Variants in ACACB observed in about 807,000 individuals in gnomAD.
ACACB encodes the protein acetyl-CoA carboxylase 2.
A neutral mutation model predicts 278.8 loss-of-function variants in ACACB; 209 were observed. That is an observed-to-expected ratio of 0.75 (90% CI 0.67 to 0.84). The LOEUF (loss-of-function observed/expected upper bound fraction) is 0.84, where lower values mean the gene tolerates loss of function less well. Among genes scored for constraint, ACACB ranks in the 40% least tolerant of loss-of-function variants. ACACB has a pLI of 0.00. For synonymous variants in ACACB, 1,174 were observed against 1,285.6 expected (o/e 0.91, Z 1.86); for missense variants, 2,850 against 3,269.0 (o/e 0.87, Z 3.13).
chr12:109,253,306 TCTTC>T, intron 43 of ACACB, 148 bp downstream of exon 43: 1 of 857,350 alleles, frequency 1.2e-6, no homozygotes, highest in Non-Finnish European at 1.7e-6. Flanking sequence ...TCTTACTCCT[TCTTC>T]CTTCTCTGAT....
rs1342299999 is a variant in ACACB, at chr12:109,179,902, T to C, written c.1648-15T>C. 9 of 1,594,768 alleles carry C rather than the reference T, an allele frequency of 5.6e-6. No homozygotes were observed. Among genetic ancestry groups the C allele is most frequent in the South Asian group, 3.3e-5 (3 of 90,620 alleles). The stretch of plus-strand genomic sequence containing the variant: ...ACCTCTGGAACCCCCTTGGCCTCTT[T>C]CTGTTTCTTCACAGTGTGCCATCCG... On this transcript the variant is annotated splice_polypyrimidine_tract_variant and intron_variant, in intron 10 of 52. Coordinates refer to ENST00000338432, the MANE Select transcript of ACACB (RefSeq NM_001093.4).
Position 109,140,025 on chromosome 12 carries a change from C to T in ACACB, c.620C>T (p.Thr207Ile). 1 of 1,605,718 alleles carries T rather than the reference C, an allele frequency of 6.2e-7. No homozygotes were observed. Among genetic ancestry groups the T allele is most frequent in the Non-Finnish European group, 8.5e-7 (1 of 1,178,528 alleles). Reference protein sequence around the residue: ...GALSLEAYLTTGEAETRVPTM... With the variant: ...GALSLEAYLTIGEAETRVPTM... ...CTGTCCCTGGAGGCTTATCTGACCA[C>T]AGGTGAAGCTGAGACCCGCGTCCCC... The change falls in exon 2 of 53, where the codon ACA (threonine) becomes ATA (isoleucine). Residue 207 changes from threonine (T) to isoleucine (I), a missense_variant. By Grantham distance (89) the Thr-to-Ile change is moderately conservative. Transcript: ENST00000338432.
chr12:109,258,684 G>A (rs1307623640), intron 46 of ACACB, among the ~76,000 whole-genome samples: 1 of 152,198 alleles, frequency 6.6e-6, no homozygotes, highest in Admixed American at 6.5e-5. Flanking sequence ...AGTCAAGAGG[G>A]CTGGGTTCCA....
chr12:109,233,895 G>GC (rs746746137), intron 30 of ACACB, 43 bp from the exon 31 acceptor site: 3 of 1,613,012 alleles, frequency 1.9e-6, no homozygotes, highest in Non-Finnish European at 2.5e-6. Context: ...GTGGGCCGTG[G>GC]CCCCCAGGCT....
At chr12:109,196,296 T>C (rs992911821) in intron 16 of ACACB, among the ~76,000 whole-genome samples, 3 of 152,122 alleles carry the variant, frequency 2.0e-5, no homozygotes, top group Admixed American at 6.6e-5. Context: ...CTTAGTCCAT[T>C]TGGGCTACTG....
At chr12:109,216,509 C>T in intron 22 of ACACB, 109 bp from the exon 23 acceptor site, 1 of 1,150,452 alleles carries the variant, frequency 8.7e-7, no homozygotes, top group Non-Finnish European at 1.2e-6. Context: ...CATGAGCCAC[C>T]ATGCCCAGCC....
In ACACB at chr12:109,202,167, CA is replaced by C. The variant is rs546154198; in HGVS notation, c.2913+467del. On this transcript the variant is annotated intron_variant, in intron 19 of 52. Transcript: ENST00000338432. ...AATGAGGGCATTCTTGACCATTGACCACCTTTTCTTTTTAATAGACTTAATT... is the reference window on the plus strand; with the variant it reads ...AATGAGGGCATTCTTGACCATTGACCCCTTTTCTTTTTAATAGACTTAATT... 1.1e-3 allele frequency among the ~76,000 whole-genome samples: 172 copies of C among 152,140 alleles called. 1 individual carries two copies. The highest frequency in any genetic ancestry group is 3.8e-3 in the African/African-American group (158 of 41,494).
rs930735736 is a variant in ACACB, at chr12:109,223,718, C to T, written c.3793-97C>T. On this transcript the variant is annotated intron_variant, in intron 26 of 52. Transcript: ENST00000338432. ...TTGAGGCTGCGGTGAGCTATGATCA[C>T]ACCACTGCACTCCAGTTTATCTCAA... 8.8e-6 allele frequency: 10 copies of T among 1,140,740 alleles called. No homozygotes were observed. In the African/African-American group the frequency reaches 1.1e-4, roughly 12 times the overall value. The allele number at this position is 1,140,740 out of a possible 1,614,324, so 70.7% of individuals were successfully genotyped here. A position where few individuals can be genotyped will look rare whatever the true frequency, so the allele number is the denominator to read the frequency against.
intron 1 of ACACB, among the ~76,000 whole-genome samples, chr12:109,132,129 C>T (rs73195487): frequency 0.016 from 2,358 of 151,838 alleles, 23 homozygotes; most frequent in Non-Finnish European, 0.02. Flanking sequence ...AAATGGAAGT[C>T]AAATAGTGAC....
intron 2 of ACACB, among the ~76,000 whole-genome samples, chr12:109,144,617 TA>T (rs1236828740): frequency 6.6e-6 from 1 of 152,124 alleles, no homozygotes; most frequent in Non-Finnish European, 1.5e-5. Flanking sequence ...CCTCATTCTG[TA>T]AAATAGAATG....
chr12:109,185,531 G>A (rs7978168), intron 11 of ACACB, 48 bp from the exon 12 acceptor site: 109,748 of 1,605,656 alleles, frequency 0.068, 4,080 homozygotes, highest in Non-Finnish European at 0.075. Context: ...TTTTGGGGCC[G>A]TGTTCTGGTA....
At chr12:109,265,654 C>G in intron 52 of ACACB, 129 bp downstream of exon 52, 1 of 1,146,950 alleles carries the variant, frequency 8.7e-7, no homozygotes, top group Non-Finnish European at 1.2e-6. Context: ...TGTCCCCGCC[C>G]CCTCCCCGCT....
At position 109,237,384 on chromosome 12, in the gene ACACB, A is replaced by G. The variant is rs536207976; in HGVS notation, c.4662+4A>G. 6.2e-7 allele frequency: 1 copy of G among 1,611,860 alleles called. No individual in the cohort carries two copies. The highest frequency in any genetic ancestry group is 1.1e-5 in the South Asian group (1 of 90,762). ...GCACTCTGACCTGATCACAAAGGTAAGATGTCGCAGAGCATTTCTTCCTCT... is the reference window on the plus strand; with the variant it reads ...GCACTCTGACCTGATCACAAAGGTAGGATGTCGCAGAGCATTTCTTCCTCT... On this transcript the variant is annotated splice_donor_region_variant and intron_variant, in intron 34 of 52. Transcript: ENST00000338432.
intron 18 of ACACB, among the ~76,000 whole-genome samples, chr12:109,201,119 T>G (rs772432478): frequency 2.0e-5 from 3 of 152,254 alleles, no homozygotes; most frequent in Non-Finnish European, 2.9e-5. Context: ...TTAAAAGGGC[T>G]GATGAGCAGA....
Position 109,209,202 on chromosome 12 carries a change from G to A in ACACB, c.3098G>A (p.Arg1033Gln), listed in dbSNP as rs761995492. 6 of 1,607,800 alleles carry A rather than the reference G, an allele frequency of 3.7e-6. No homozygotes were observed. Among genetic ancestry groups the A allele is most frequent in the East Asian group, 2.2e-5 (1 of 44,742 alleles). ...EWVQKLMMTL[R>Q]HPSLPLLELQ... ...GTGCAGAAGCTCATGATGACCCTCC[G>A]GCACCCGTCACTGCCGCTGCTGGAG... Residue 1033 changes from arginine (R) to glutamine (Q), a missense_variant, in exon 21 of 53, where the codon CGG (arginine) becomes CAG (glutamine). Around this residue, in one of 3 missense-constraint regions of ACACB, gnomAD observed 2,265 missense variants for 2,561.3 expected, o/e 0.88. Transcript: ENST00000338432.
intron 28 of ACACB, among the ~76,000 whole-genome samples, chr12:109,232,396 C>T (rs949150079): frequency 1.3e-5 from 2 of 152,128 alleles, no homozygotes; most frequent in South Asian, 2.1e-4. Flanking sequence ...ACTTGGGGCT[C>T]CCCTCGGGAC....
chr12:109,127,268 T>G (rs2042703283), intron 1 of ACACB, among the ~76,000 whole-genome samples: 1 of 152,140 alleles, frequency 6.6e-6, no homozygotes, highest in Non-Finnish European at 1.5e-5. Flanking sequence ...ACTCCACCTC[T>G]CTGGACATTG....
intron 27 of ACACB, among the ~76,000 whole-genome samples, chr12:109,225,254 A>G (rs896676093): frequency 1.4e-4 from 22 of 152,120 alleles, no homozygotes; most frequent in African/African-American, 5.3e-4. Context: ...CACCCTCCCC[A>G]GTAGCTTGGA....
chr12:109,166,748 AG>A (rs929384413), intron 2 of ACACB, 112 bp from the exon 3 acceptor site: 160 of 1,327,544 alleles, frequency 1.2e-4, no homozygotes, highest in Non-Finnish European at 1.6e-4. Context: ...AGTGCAAAGC[AG>A]GGGGGCTCTG....
Sources: allele counts gnomAD v4.1 joint callset (sites outside exome capture counted in the v4.1 genomes callset), GRCh38; gene constraint gnomAD v4.1.1; regional missense constraint gnomAD v4.1.1; transcripts MANE v1.5; gene names NCBI Gene and HGNC (gene_info 2026-07-23, HGNC 2026-07-21).